The following BNIP3L variants were observed in gnomAD, a reference collection of about 807,000 sequenced individuals.
BNIP3L encodes BCL2 interacting protein 3 like.
A neutral mutation model predicts 25.5 loss-of-function variants in BNIP3L; 10 were observed. The observed-to-expected ratio is 0.39, with a 90% CI of 0.24 to 0.67. The LOEUF (loss-of-function observed/expected upper bound fraction) is 0.67. BNIP3L is among the 30% of genes least tolerant of loss of function. The pLI is 0.45. For synonymous variants in BNIP3L, 113 were observed against 101.2 expected, an observed-to-expected ratio of 1.12 and a Z score of -0.70; for missense variants, 215 against 270.9, an observed-to-expected ratio of 0.79 and a Z score of 1.45.
Position 26,412,985 on chromosome 8 carries a change from A to C in BNIP3L, c.*2573A>C, listed in dbSNP as rs1282875430. 1.3e-5 allele frequency: 2 copies of C among 152,626 alleles called. No homozygotes were observed. Among genetic ancestry groups the C allele is most frequent in the Non-Finnish European group, 1.5e-5 (1 of 68,032 alleles). The allele number at this position is 152,626 out of a possible 1,614,324, so 9.5% of individuals were successfully genotyped here. A position where few individuals can be genotyped will look rare whatever the true frequency, so the allele number is the denominator to read the frequency against. On this transcript the variant is annotated 3_prime_UTR_variant, in exon 6 of 6. Coordinates refer to ENST00000380629, the MANE Select transcript of BNIP3L (RefSeq NM_004331.3). ...AGTTTTTTCATGAACCCGTTGTGGAAATTATTGGAATTAACTGAGCCAAAG... is the reference window on the plus strand; with the variant it reads ...AGTTTTTTCATGAACCCGTTGTGGACATTATTGGAATTAACTGAGCCAAAG...
chr8:26,386,734 C>T (rs1806001629), intron 1 of BNIP3L, among the ~76,000 whole-genome samples: 1 of 152,092 alleles, frequency 6.6e-6, no homozygotes, highest in African/African-American at 2.4e-5. Flanking sequence ...TAAATAGAAA[C>T]ATCTTCAAGC....
intron 2 of BNIP3L, among the ~76,000 whole-genome samples, chr8:26,393,958 GAGTC>G (rs1806171394): frequency 6.6e-6 from 1 of 152,150 alleles, no homozygotes; most frequent in East Asian, 1.9e-4. Flanking sequence ...TCTTATTTCT[GAGTC>G]AGTCTCACCA....
chr8:26,404,175 G>T (rs540662766), intron 3 of BNIP3L, among the ~76,000 whole-genome samples: 1 of 152,164 alleles, frequency 6.6e-6, no homozygotes, highest in East Asian at 1.9e-4. Flanking sequence ...TCTCAGTTTT[G>T]TATCAGAAAA....
At chr8:26,405,897 G>T (rs1374180507) in intron 3 of BNIP3L, among the ~76,000 whole-genome samples, 1 of 152,220 alleles carries the variant, frequency 6.6e-6, no homozygotes, top group East Asian at 1.9e-4. Flanking sequence ...ATAAAAATTT[G>T]CCAGGTGTAG....
At chr8:26,389,186 C>G (rs1806054460) in intron 1 of BNIP3L, among the ~76,000 whole-genome samples, 1 of 151,942 alleles carries the variant, frequency 6.6e-6, no homozygotes, top group South Asian at 2.1e-4. Context: ...CTATTGTACA[C>G]ATTAGGCTTC....
At chr8:26,401,096 G>T (rs1806359634) in intron 3 of BNIP3L, among the ~76,000 whole-genome samples, 4 of 139,118 alleles carry the variant, frequency 2.9e-5, no homozygotes, top group East Asian at 2.0e-4. Context: ...AAATCATGCT[G>T]CTATAAAGAC....
At chr8:26,390,389 C>G in intron 1 of BNIP3L, 1 of 985,378 alleles carries the variant, frequency 1.0e-6, no homozygotes, top group East Asian at 1.1e-4. Context: ...ACTTTTTGTC[C>G]AAGAAAACTT....
chr8:26,410,397 T>C lies in BNIP3L; in HGVS notation c.645T>C (p.Ser215=). The C allele has an allele frequency of 1.2e-6, 2 of 1,614,172 alleles. No individual in the cohort carries two copies. The highest frequency in any genetic ancestry group is 1.7e-6 in the Non-Finnish European group (2 of 1,180,006). Residue 215 remains serine (S), a synonymous_variant, in exon 6 of 6, where the codon TCT becomes TCC. Transcript: ENST00000380629. The part of the protein sequence containing the change: ...IYIGKRLSTP[S]ASTY ...TTGGAAAGCGACTGAGCACACCCTC[T>C]GCCAGCACCTACTGAGGGAAAGGAA...
At chr8:26,384,946 A>G (rs1805957980) in intron 1 of BNIP3L, among the ~76,000 whole-genome samples, 1 of 151,620 alleles carries the variant, frequency 6.6e-6, no homozygotes, top group Non-Finnish European at 1.5e-5. Context: ...TAATTTTTGT[A>G]TTTTCAGTAG....
At chr8:26,385,995 G>T (rs1423735244) in intron 1 of BNIP3L, among the ~76,000 whole-genome samples, 1 of 152,156 alleles carries the variant, frequency 6.6e-6, no homozygotes, top group Non-Finnish European at 1.5e-5. Context: ...CAGGCATCTA[G>T]TACTATCCAA....
rs1395349022 is a variant in BNIP3L, at chr8:26,411,388, A to G, written c.*976A>G. 1 of 152,258 alleles carries G rather than the reference A, an allele frequency of 6.6e-6. No individual in the cohort carries two copies. Among genetic ancestry groups the G allele is most frequent in the Non-Finnish European group, 1.5e-5 (1 of 68,036 alleles). 9.4% of individuals were successfully genotyped at this position (152,258 alleles called of 1,614,324 possible). The stretch of plus-strand genomic sequence containing the variant: ...CTTCTTGTTTTAGGAAGCATCACCT[A>G]TACTCTGAAGCCTTTAAACTCTGAA... On this transcript the variant is annotated 3_prime_UTR_variant, in exon 6 of 6. Coordinates refer to ENST00000380629, the MANE Select transcript of BNIP3L (RefSeq NM_004331.3).
intron 1 of BNIP3L, among the ~76,000 whole-genome samples, chr8:26,388,294 G>A (rs556299486): frequency 2.3e-4 from 35 of 152,114 alleles, no homozygotes; most frequent in Non-Finnish European, 4.0e-4. Context: ...ATTGTTCTGC[G>A]TGCTATATTC....
intron 1 of BNIP3L, among the ~76,000 whole-genome samples, chr8:26,387,136 A>G (rs1354623435): frequency 1.3e-5 from 2 of 152,148 alleles, no homozygotes; most frequent in Admixed American, 6.5e-5. Context: ...TCTTCTTGCA[A>G]GAGGATTGAA....
intron 1 of BNIP3L, among the ~76,000 whole-genome samples, chr8:26,389,552 G>A (rs1162179277): frequency 1.3e-5 from 2 of 152,208 alleles, no homozygotes; most frequent in Non-Finnish European, 2.9e-5. Context: ...TAAGGAATTG[G>A]TGGTGACTAT....
At chr8:26,384,488 A>G (rs566025847) in intron 1 of BNIP3L, among the ~76,000 whole-genome samples, 92 of 152,344 alleles carry the variant, frequency 6.0e-4, no homozygotes, top group Non-Finnish European at 7.2e-4. Flanking sequence ...GGATGAATGT[A>G]TGAGTCTTTA....
intron 2 of BNIP3L, among the ~76,000 whole-genome samples, chr8:26,394,473 T>C (rs1806186335): frequency 6.6e-6 from 1 of 152,138 alleles, no homozygotes; most frequent in Non-Finnish European, 1.5e-5. Context: ...TTTACTATAT[T>C]AGAAATTAAA....
At chr8:26,408,490 C>A in intron 5 of BNIP3L, 114 bp downstream of exon 5, 1 of 1,261,982 alleles carries the variant, frequency 7.9e-7, no homozygotes, top group Non-Finnish European at 1.1e-6. Flanking sequence ...TGTTTTAGTG[C>A]AAATAAGGTG....
Position 26,410,455 on chromosome 8 carries a change from G to A in BNIP3L, c.*43G>A, listed in dbSNP as rs1806597558. The A allele has an allele frequency of 1.2e-6, 2 of 1,608,682 alleles. No individual in the cohort carries two copies. The highest frequency in any genetic ancestry group is 2.7e-5 in the African/African-American group (2 of 74,788). ...TGGAAATGCGTGTGACCTGTGAAGT[G>A]GTGTATTGTCACAGTAGCTTATTTG... On this transcript the variant is annotated 3_prime_UTR_variant, in exon 6 of 6. Coordinates refer to ENST00000380629, the MANE Select transcript of BNIP3L (RefSeq NM_004331.3).
Position 26,395,682 on chromosome 8 carries a change from C to G in BNIP3L, c.357+380C>G, listed in dbSNP as rs546002773. ...CTCCCAGCATGAGCGACGCAGAAGA[C>G]GGGTGATTTCTGCATTTCCATCTGA... On this transcript the variant is annotated intron_variant, in intron 3 of 5. Transcript: ENST00000380629. The G allele has an allele frequency of 1.2e-3, 234 of 200,234 alleles. 1 individual carries two copies. Among genetic ancestry groups the G allele is most frequent in the African/African-American group, 4.8e-3 (201 of 42,282 alleles). The allele number at this position is 200,234 out of a possible 1,614,324, so 12.4% of individuals were successfully genotyped here.
Sources: gnomAD v4.1 joint callset for allele counts (sites outside exome capture counted in the v4.1 genomes callset) on GRCh38, gnomAD v4.1.1 for gene constraint, MANE v1.5 for transcripts, NCBI Gene and HGNC (gene_info 2026-07-23, HGNC 2026-07-21) for gene names.